CORO1B: variants seen among roughly 807,000 people sequenced by gnomAD.
CORO1B encodes the protein coronin 1B, also known as coronin-1B.
Under a neutral mutation model 51.1 loss-of-function variants are expected in CORO1B, and 30 were observed. That is an observed-to-expected ratio of 0.59 (90% CI 0.44 to 0.80). The LOEUF is 0.80. Among genes scored for constraint, CORO1B ranks in the 30% least tolerant of loss-of-function variants. The probability of loss-of-function intolerance (pLI) is 0.00; values close to 1 mark genes in which losing one functional copy is unlikely to be tolerated. For synonymous variants in CORO1B, 310 were observed against 289.7 expected, an observed-to-expected ratio of 1.07 and a Z score of -0.71; for missense variants, 648 against 700.4, an observed-to-expected ratio of 0.93 and a Z score of 0.84.
In CORO1B at chr11:67,438,966, G is replaced by A. The variant is rs762495845; in HGVS notation, c.1066-17C>T. The A allele has an allele frequency of 6.3e-7, 1 of 1,590,562 alleles. No individual in the cohort carries two copies. Reference sequence around the variant, plus strand: ...GAGGTCCGACTGGGCAGGGGGCCGGGGAGGTCAGGATCAGTTAGGAGGCCC... The same window carrying A: ...GAGGTCCGACTGGGCAGGGGGCCGGAGAGGTCAGGATCAGTTAGGAGGCCC... On this transcript the variant is annotated splice_polypyrimidine_tract_variant and intron_variant, in intron 9 of 10. Transcript: ENST00000341356.
chr11:67,441,408 A>G lies in CORO1B; in HGVS notation c.561T>C (p.Asn187=), dbSNP rs1590987300. 4 of 1,613,872 alleles carry G rather than the reference A, an allele frequency of 2.5e-6. No homozygotes were observed. Among genetic ancestry groups the G allele is most frequent in the East Asian group, 4.5e-5 (2 of 44,876 alleles). Reference sequence around the variant, plus strand: ...TGCATGCTGAGCAAAACAGGCTGCCATTGTGGTTCCAGCTGACATTGTAGA... The same window carrying G: ...TGCATGCTGAGCAAAACAGGCTGCCGTTGTGGTTCCAGCTGACATTGTAGA... ...DLIYNVSWNH[N]GSLFCSACKD... is the part of the protein sequence containing the mutation. Residue 187 remains asparagine, a synonymous_variant, in exon 5 of 11, where the codon AAT becomes AAC. Coordinates refer to ENST00000341356, the MANE Select transcript of CORO1B (RefSeq NM_020441.3).
intron 1 of CORO1B, 61 bp from the exon 2 acceptor site, chr11:67,442,691 G>A: frequency 6.4e-7 from 1 of 1,551,454 alleles, no homozygotes; most frequent in Non-Finnish European, 8.8e-7. Flanking sequence ...CCCTCCCCAG[G>A]CTGCTGAAGG....
rs1864325704 is a variant in CORO1B, at chr11:67,438,253, G to A, written c.*123C>T. On this transcript the variant is annotated 3_prime_UTR_variant, in exon 11 of 11. Coordinates refer to ENST00000341356, the MANE Select transcript of CORO1B (RefSeq NM_020441.3). ...GCCTGGGCCTGGGACGGGTGGGGGT[G>A]GGAACTGACCCCTGCGCTGCCTCAG... The A allele has an allele frequency of 1.6e-6, 2 of 1,283,376 alleles. No individual in the cohort carries two copies. Among genetic ancestry groups the A allele is most frequent in the Admixed American group, 2.3e-5 (1 of 44,196 alleles). 79.5% of individuals were successfully genotyped at this position (1,283,376 alleles called of 1,614,324 possible).
Position 67,437,417 on chromosome 11 carries a change from G to A in CORO1B, c.*959C>T. The A allele has an allele frequency of 2.0e-6, 1 of 491,028 alleles. No homozygotes were observed. The highest frequency in any genetic ancestry group is 3.4e-6 in the Non-Finnish European group (1 of 297,060). The allele number at this position is 491,028 out of a possible 1,614,324, so 30.4% of individuals were successfully genotyped here. A position where few individuals can be genotyped will look rare whatever the true frequency, so the allele number is the denominator to read the frequency against. On this transcript the variant is annotated 3_prime_UTR_variant, in exon 11 of 11. Transcript: ENST00000341356. ...TCCTGACAGGGGCCTGGTCCGGTAT[G>A]GGGTGCTGGGGGCCAGGCCTGGAGT... is the stretch of plus-strand genomic sequence containing the variant.
intron 6 of CORO1B, chr11:67,440,886 C>G: frequency 3.0e-6 from 2 of 659,378 alleles, no homozygotes; most frequent in Non-Finnish European, 2.7e-6. Context: ...AAGGGCCCTT[C>G]CGTTGGCATG....
intron 2 of CORO1B, 74 bp downstream of exon 2, chr11:67,442,354 A>C (rs1229160883): frequency 1.0e-5 from 15 of 1,477,268 alleles, no homozygotes; most frequent in Non-Finnish European, 1.4e-5. Flanking sequence ...AAGATGAGGG[A>C]TTCAAGGTGT....
Position 67,442,042 on chromosome 11 carries a change from C to T in CORO1B, c.248G>A (p.Gly83Glu), listed in dbSNP as rs1346365252. ...KAYPTVCGHT[G>E]PVLDIDWCPH... ...ACACCAGTCGATGTCCAGGACAGGTCCCGTGTGCCCACACACCGTCGGGTA... is the reference window on the plus strand; with the variant it reads ...ACACCAGTCGATGTCCAGGACAGGTTCCGTGTGCCCACACACCGTCGGGTA... The change falls in exon 3 of 11, where the codon GGA (glycine) becomes GAA (glutamate). Residue 83 changes from glycine (G) to glutamate (E), a missense_variant. Coordinates refer to ENST00000341356, the MANE Select transcript of CORO1B (RefSeq NM_020441.3). The T allele has an allele frequency of 1.2e-6, 2 of 1,613,042 alleles. No individual in the cohort carries two copies. The highest frequency in any genetic ancestry group is 1.7e-6 in the Non-Finnish European group (2 of 1,180,010).
intron 4 of CORO1B, 105 bp downstream of exon 4, chr11:67,441,628 G>C: frequency 6.5e-7 from 1 of 1,539,218 alleles, no homozygotes; most frequent in South Asian, 1.1e-5. Context: ...CTCCAACTCT[G>C]AGGGCCTCAG....
At chr11:67,442,343 C>A in intron 2 of CORO1B, 85 bp downstream of exon 2, 1 of 1,427,194 alleles carries the variant, frequency 7.0e-7, no homozygotes, top group South Asian at 1.2e-5. Flanking sequence ...TGAGAAACGG[C>A]AAGATGAGGG....
rs368472278 is a variant in CORO1B at position 67,441,360 on chromosome 11, G to A, written c.609C>T (p.Ile203=). The A allele has an allele frequency of 4.3e-5, 70 of 1,613,624 alleles. No homozygotes were observed. Among genetic ancestry groups the A allele is most frequent in the Non-Finnish European group, 5.4e-5 (64 of 1,180,044 alleles). The change falls in exon 5 of 11, where the codon ATC becomes ATT. Residue 203 remains isoleucine, a synonymous_variant. Transcript: ENST00000341356. ...CCACCAGGGTGCCCCGACGGGGGTC[G>A]ATGATGCGCACGCTCTTGTCCTTGC... The part of the protein sequence containing the change: ...SACKDKSVRI[I]DPRRGTLVAE...
chr11:67,435,661 C>T lies in CORO1B; in HGVS notation c.*2715G>A, dbSNP rs1165398819. The T allele has an allele frequency of 2.7e-6, 4 of 1,492,762 alleles. No individual in the cohort carries two copies. Among genetic ancestry groups the T allele is most frequent in the Non-Finnish European group, 3.5e-6 (4 of 1,128,352 alleles). 92.5% of individuals were successfully genotyped at this position (1,492,762 alleles called of 1,614,324 possible). A position where few individuals can be genotyped will look rare whatever the true frequency, so the allele number is the denominator to read the frequency against. The stretch of plus-strand genomic sequence containing the variant: ...CATGTGGGCTGGGGGTCCAGTCCAG[C>T]CATGGCATCTTGGGAAGCAGAGGCA... On this transcript the variant is annotated 3_prime_UTR_variant, in exon 11 of 11. Transcript: ENST00000341356.
In CORO1B at chr11:67,441,758, C is replaced by T. The variant is rs749655627; in HGVS notation, c.429G>A (p.Thr143=). 60 of 1,611,608 alleles carry T rather than the reference C, an allele frequency of 3.7e-5. No individual in the cohort carries two copies. Among genetic ancestry groups the T allele is most frequent in the Non-Finnish European group, 4.0e-5 (47 of 1,179,482 alleles). ...CTGCACTGAGCAGCACGTTTCGGGC[C>T]GTGGGGTGCCAGGCGATGATGCCCA... ...KRVGIIAWHP[T]ARNVLLSAGC... Residue 143 remains threonine (T), a synonymous_variant, in exon 4 of 11, where the codon ACG becomes ACA. Coordinates refer to ENST00000341356, the MANE Select transcript of CORO1B (RefSeq NM_020441.3).
upstream of CORO1B, chr11:67,443,650 G>A (rs921361187): frequency 4.6e-6 from 4 of 870,136 alleles, no homozygotes; most frequent in Non-Finnish European, 5.5e-6. Context: ...CCTAGGACCC[G>A]GTGGAGCGCC....
At chr11:67,443,372 C>T in intron 1 of CORO1B, 32 bp downstream of exon 1, 1 of 649,050 alleles carries the variant, frequency 1.5e-6, no homozygotes, top group Middle Eastern at 7.2e-4. Context: ...GCCCCCAGCC[C>T]GCGCCCCTAG....
rs755848771 is a variant in CORO1B, at chr11:67,438,519, A to C, written c.1345-18T>G. On this transcript the variant is annotated intron_variant, in intron 10 of 10. Coordinates refer to ENST00000341356, the MANE Select transcript of CORO1B (RefSeq NM_020441.3). ...CCAGCCTCCTGTGGGGACATGAAGCAGGGGTAGGGGGCGGTGGTCAGGGGC... is the reference window on the plus strand; with the variant it reads ...CCAGCCTCCTGTGGGGACATGAAGCCGGGGTAGGGGGCGGTGGTCAGGGGC... 2.5e-6 allele frequency: 4 copies of C among 1,598,208 alleles called. No homozygotes were observed. In the South Asian group the frequency reaches 4.4e-5, roughly 18 times the overall value.
upstream of CORO1B, chr11:67,443,691 G>GGGGCGGGGCA: frequency 2.0e-6 from 2 of 976,522 alleles, no homozygotes; most frequent in South Asian, 9.5e-5. Flanking sequence ...AGAAGGGGGC[G>GGGGCGGGGCA]GGGCGGGGCA....
At chr11:67,442,222 G>T (rs899085092) in intron 2 of CORO1B, 134 bp from the exon 3 acceptor site, 2 of 1,462,952 alleles carry the variant, frequency 1.4e-6, no homozygotes, top group African/African-American at 1.4e-5. Context: ...CTTGCCAGGT[G>T]AGCAGGAAAT....
Position 67,437,248 on chromosome 11 carries a change from CGGT to C in CORO1B, c.*1125_*1127del. The C allele has an allele frequency of 4.7e-6, 1 of 214,860 alleles. No homozygotes were observed. Among genetic ancestry groups the C allele is most frequent in the East Asian group, 9.5e-5 (1 of 10,522 alleles). The allele number at this position is 214,860 out of a possible 1,614,324, so 13.3% of individuals were successfully genotyped here. ...GGGCGCAGCTGCCAGAGGAAGTCTG[CGGT>C]CGGAACAGGCTAGGTGGGGGGTGTC... On this transcript the variant is annotated 3_prime_UTR_variant, in exon 11 of 11. Coordinates refer to ENST00000341356, the MANE Select transcript of CORO1B (RefSeq NM_020441.3).
intron 4 of CORO1B, 43 bp from the exon 5 acceptor site, chr11:67,441,557 G>C: frequency 6.3e-7 from 1 of 1,590,614 alleles, no homozygotes; most frequent in Non-Finnish European, 8.5e-7. Flanking sequence ...TGGGTGGCAG[G>C]AGGCCATTAG....
Sources: gnomAD v4.1 joint callset for allele counts on GRCh38, gnomAD v4.1.1 for gene constraint, MANE v1.5 for transcripts, NCBI Gene and HGNC (gene_info 2026-07-23, HGNC 2026-07-21) for gene names.